PAM: variants seen among roughly 807,000 people sequenced by gnomAD.
The protein encoded by PAM is peptidylglycine alpha-amidating monooxygenase, also known as peptidyl-glycine alpha-amidating monooxygenase.
In PAM, 72 loss-of-function variants were observed where a neutral mutation model predicts 122.1. The ratio of observed to expected loss-of-function variants is 0.59; its 90% CI spans 0.49 to 0.72. The LOEUF is 0.72. Ranked by LOEUF, PAM falls within the 30% of genes least tolerant of loss-of-function variation. PAM has a pLI of 0.00. For synonymous variants in PAM, 389 were observed against 404.4 expected (o/e 0.96, Z 0.46); for missense variants, 1,106 against 1,183.7 (o/e 0.93, Z 0.96).
chr5:102,812,461 G>A (rs1429001055), intron 1 of PAM, among the ~76,000 whole-genome samples: 2 of 151,264 alleles, frequency 1.3e-5, no homozygotes, highest in African/African-American at 4.9e-5. Context: ...ATTTTGCTGT[G>A]GTTCTCTGAA....
In PAM at chr5:103,005,329, G is replaced by A. The variant is rs557483879; in HGVS notation, c.1803+103G>A. 4.5e-5 allele frequency: 33 copies of A among 730,184 alleles called. No homozygotes were observed. The African/African-American group carries it at 5.7e-4, about 13-fold the overall frequency. 45.2% of individuals were successfully genotyped at this position (730,184 alleles called of 1,614,324 possible). A position where few individuals can be genotyped will look rare whatever the true frequency, so the allele number is the denominator to read the frequency against. On this transcript the variant is annotated intron_variant, in intron 18 of 25. Coordinates refer to ENST00000438793, the MANE Select transcript of PAM (RefSeq NM_001177306.2). Reference sequence around the variant, plus strand: ...TTTTTGTTTGTTTGTTTTTTCTTCTGTCACCCAGTAAGTTATAACAAGAAA... The same window carrying A: ...TTTTTGTTTGTTTGTTTTTTCTTCTATCACCCAGTAAGTTATAACAAGAAA...
At chr5:102,769,687 C>G (rs1755166743) in intron 1 of PAM, among the ~76,000 whole-genome samples, 1 of 151,960 alleles carries the variant, frequency 6.6e-6, no homozygotes, top group Non-Finnish European at 1.5e-5. Flanking sequence ...TTTTTGGGTT[C>G]TCTGTTCTGT....
At chr5:102,861,627 A>G (rs1249880960) in intron 1 of PAM, among the ~76,000 whole-genome samples, 1 of 152,182 alleles carries the variant, frequency 6.6e-6, no homozygotes, top group Non-Finnish European at 1.5e-5. Context: ...CAAAGTTTGG[A>G]ACCTGAGGAT....
intron 3 of PAM, among the ~76,000 whole-genome samples, chr5:102,885,751 A>G (rs188621142): frequency 6.6e-6 from 1 of 152,126 alleles, no homozygotes; most frequent in Admixed American, 6.6e-5. Flanking sequence ...ATACTGTTCT[A>G]CTATCTAACC....
intron 1 of PAM, among the ~76,000 whole-genome samples, chr5:102,820,194 G>A (rs1354547676): frequency 1.3e-5 from 2 of 152,038 alleles, no homozygotes; most frequent in African/African-American, 4.8e-5. Flanking sequence ...AGCTGATGGG[G>A]CATTTTGTTT....
At chr5:102,814,720 T>C (rs1031802457) in intron 1 of PAM, among the ~76,000 whole-genome samples, 1 of 151,920 alleles carries the variant, frequency 6.6e-6, no homozygotes, top group African/African-American at 2.4e-5. Context: ...CATAAATTCA[T>C]TTTATTTGCA....
chr5:102,979,064 A>ACACACG (rs1554150767), intron 15 of PAM, among the ~76,000 whole-genome samples: 66 of 151,446 alleles, frequency 4.4e-4, no homozygotes, highest in African/African-American at 1.4e-3. Flanking sequence ...ACACACACGC[A>ACACACG]CACACACATA....
chr5:103,011,235 A>G (rs1468577786), intron 21 of PAM, among the ~76,000 whole-genome samples: 1 of 152,206 alleles, frequency 6.6e-6, no homozygotes, highest in Non-Finnish European at 1.5e-5. Flanking sequence ...TACTCAAGCC[A>G]TGTGGCAAGT....
At chr5:102,814,558 TATAG>T (rs1769052447) in intron 1 of PAM, among the ~76,000 whole-genome samples, 1 of 148,134 alleles carries the variant, frequency 6.8e-6, no homozygotes, top group Admixed American at 6.8e-5. Flanking sequence ...TATACATATA[TATAG>T]ATATATACAT....
chr5:102,960,554 A>G (rs1245268092), intron 13 of PAM, among the ~76,000 whole-genome samples: 1 of 151,926 alleles, frequency 6.6e-6, no homozygotes, highest in African/African-American at 2.4e-5. Context: ...TTTTTATCTA[A>G]TTCTCAGAAT....
intron 1 of PAM, among the ~76,000 whole-genome samples, chr5:102,779,250 A>G (rs1248262502): frequency 6.6e-6 from 1 of 150,872 alleles, no homozygotes; most frequent in Non-Finnish European, 1.5e-5. Context: ...ATATATATAT[A>G]TGTATATATA....
In PAM at chr5:103,006,718, T is replaced by C. The variant is rs149160901; in HGVS notation, c.1804-83T>C. On this transcript the variant is annotated intron_variant, in intron 18 of 25. Coordinates refer to ENST00000438793, the MANE Select transcript of PAM (RefSeq NM_001177306.2). ...CTCTGGGAGCTTCTACTCCAATTGCTTGTGAAAGTGGTCTTAGTCATGTGG... is the reference window on the plus strand; with the variant it reads ...CTCTGGGAGCTTCTACTCCAATTGCCTGTGAAAGTGGTCTTAGTCATGTGG... The C allele has an allele frequency of 4.3e-4, 373 of 863,052 alleles. 3 individuals carry two copies. The East Asian group carries it at 8.8e-3, about 20-fold the overall frequency. 53.5% of individuals were successfully genotyped at this position (863,052 alleles called of 1,614,324 possible). A position where few individuals can be genotyped will look rare whatever the true frequency, so the allele number is the denominator to read the frequency against.
intron 1 of PAM, among the ~76,000 whole-genome samples, chr5:102,849,555 C>CAAAAAAAAAAAAAAAAAAGAAAA (rs1780847027): frequency 1.4e-5 from 1 of 73,502 alleles, no homozygotes. Context: ...AAGACTGTCT[C>CAAAAAAAAAAAAAAAAAAGAAAA]AAAAAAAAAA....
chr5:102,781,550 C>G (rs1039311960), intron 1 of PAM, among the ~76,000 whole-genome samples: 3 of 152,208 alleles, frequency 2.0e-5, no homozygotes, highest in African/African-American at 7.2e-5. Context: ...TAATGCATGG[C>G]TTTGGTGTCC....
intron 5 of PAM, among the ~76,000 whole-genome samples, chr5:102,923,032 A>G (rs1747991710): frequency 6.6e-6 from 1 of 152,222 alleles, no homozygotes; most frequent in Non-Finnish European, 1.5e-5. Flanking sequence ...GTGAACAGGA[A>G]GAAACCACTA....
intron 3 of PAM, among the ~76,000 whole-genome samples, chr5:102,886,645 T>C (rs1793199752): frequency 6.6e-6 from 1 of 152,068 alleles, no homozygotes; most frequent in South Asian, 2.1e-4. Flanking sequence ...AGAACCATTA[T>C]ATTGTCACTA....
At chr5:102,944,005 C>T (rs1035230842) in intron 7 of PAM, among the ~76,000 whole-genome samples, 2 of 152,174 alleles carry the variant, frequency 1.3e-5, no homozygotes, top group African/African-American at 4.8e-5. Flanking sequence ...ACAACCAGCA[C>T]TACAATATTG....
chr5:102,903,660 T>C (rs1798659788), intron 4 of PAM, among the ~76,000 whole-genome samples: 1 of 151,454 alleles, frequency 6.6e-6, no homozygotes, highest in Non-Finnish European at 1.5e-5. Flanking sequence ...AAGCTAAACA[T>C]AACCTAAGCC....
intron 12 of PAM, 26 bp from the exon 13 acceptor site, chr5:102,959,849 T>A: frequency 6.4e-7 from 1 of 1,550,546 alleles, no homozygotes; most frequent in Middle Eastern, 1.7e-4. Flanking sequence ...AATAGTTGAT[T>A]TGTTATATCT....
Sources: gnomAD v4.1 joint callset for allele counts (sites outside exome capture counted in the v4.1 genomes callset) on GRCh38, gnomAD v4.1.1 for gene constraint, MANE v1.5 for transcripts, NCBI Gene and HGNC (gene_info 2026-07-23, HGNC 2026-07-21) for gene names.